Variants in FER1L6 observed in about 807,000 individuals in gnomAD.
The protein encoded by FER1L6 is fer-1-like protein 6.
Under a neutral mutation model 219.2 loss-of-function variants are expected in FER1L6, and 177 were observed. The observed-to-expected ratio is 0.81, with a 90% confidence interval of 0.71 to 0.91. The LOEUF (loss-of-function observed/expected upper bound fraction) is 0.91. Ranked by LOEUF, FER1L6 falls within the 40% of genes least tolerant of loss-of-function variation. The pLI is 0.00. For missense variants in FER1L6, 2,153 were observed against 2,259.9 expected (o/e 0.95, Z 0.96); for synonymous variants, 768 against 824.3 (o/e 0.93, Z 1.17).
chr8:124,014,871 G>T (rs1818110384), intron 15 of FER1L6, among the ~76,000 whole-genome samples: 1 of 152,168 alleles, frequency 6.6e-6, no homozygotes, highest in East Asian at 1.9e-4. Context: ...TCCAGGTGTG[G>T]CTCAGCTGAG....
intron 11 of FER1L6, among the ~76,000 whole-genome samples, chr8:123,981,922 T>A (rs1408697793): frequency 6.6e-6 from 1 of 152,172 alleles, no homozygotes; most frequent in Non-Finnish European, 1.5e-5. Flanking sequence ...CATTTGTTGT[T>A]GTTGTTGTCG....
chr8:123,944,285 T>TTA (rs1338721253), intron 1 of FER1L6, among the ~76,000 whole-genome samples: 1 of 148,536 alleles, frequency 6.7e-6, no homozygotes, highest in African/African-American at 2.4e-5. Context: ...ATTCATCTTA[T>TTA]TATATATATT....
At chr8:123,973,068 A>C (rs1815894015) in intron 6 of FER1L6, among the ~76,000 whole-genome samples, 1 of 152,174 alleles carries the variant, frequency 6.6e-6, no homozygotes, top group Admixed American at 6.5e-5. Context: ...TTTAGCGGAG[A>C]AAAGGAACAC....
chr8:123,936,122 G>A (rs551716898), intron 1 of FER1L6, among the ~76,000 whole-genome samples: 2 of 152,150 alleles, frequency 1.3e-5, no homozygotes, highest in African/African-American at 4.8e-5. Context: ...ATAACCTCTC[G>A]GTCAGATGCA....
rs531483204 is a variant in FER1L6 at position 123,908,468 on chromosome 8, T to A, written c.-7-47524T>A. 3.3e-5 allele frequency among the ~76,000 whole-genome samples: 5 copies of A among 152,262 alleles called. No individual in the cohort carries two copies. The South Asian group carries it at 8.3e-4, about 25-fold the overall frequency. On this transcript the variant is annotated intron_variant, in intron 1 of 40. Coordinates refer to ENST00000522917, the MANE Select transcript of FER1L6 (RefSeq NM_001039112.2). ...GAACTTTAGAAAACAGTTTGTTTCC[T>A]CAGTAGATAAGACTTTTAGTAAGAA... is the stretch of plus-strand genomic sequence containing the variant.
intron 1 of FER1L6, among the ~76,000 whole-genome samples, chr8:123,877,827 A>G (rs188689338): frequency 1.5e-3 from 224 of 151,694 alleles, no homozygotes; most frequent in African/African-American, 5.2e-3. Flanking sequence ...CCTTCCCTAT[A>G]AAAGCTTTTA....
intron 1 of FER1L6, among the ~76,000 whole-genome samples, chr8:123,930,433 A>G (rs528112121): frequency 1.3e-5 from 2 of 152,296 alleles, no homozygotes; most frequent in African/African-American, 4.8e-5. Flanking sequence ...TAACAGTGCC[A>G]TAACATATAC....
At chr8:123,974,313 T>C (rs115242397) in intron 7 of FER1L6, among the ~76,000 whole-genome samples, 1,682 of 152,182 alleles carry the variant, frequency 0.011, 31 homozygotes, top group African/African-American at 0.039. Context: ...GGCTATTCAG[T>C]GCCTTTGGTA....
Position 123,977,548 on chromosome 8 carries a change from A to G in FER1L6, c.1002A>G (p.Val334=), listed in dbSNP as rs895254106. The G allele has an allele frequency of 6.2e-7, 1 of 1,614,130 alleles. No homozygotes were observed. Among genetic ancestry groups the G allele is most frequent in the African/African-American group, 1.3e-5 (1 of 75,058 alleles). Residue 334 remains valine, a synonymous_variant, in exon 10 of 41, where the codon GTA becomes GTG. Transcript: ENST00000522917. The part of the protein sequence containing the change: ...QVWDEGSMND[V]ALATHFIDLK... The stretch of plus-strand genomic sequence containing the variant: ...GGGATGAAGGCAGCATGAATGACGT[A>G]GCCCTGGCAACCCATTTCATTGACC...
rs577057927 is a variant in FER1L6 at position 123,932,561 on chromosome 8, A to G, written c.-7-23431A>G. Among the ~76,000 whole-genome samples, 8 of 152,348 alleles carry G rather than the reference A, an allele frequency of 5.3e-5. No individual in the cohort carries two copies. The South Asian group carries it at 1.7e-3, about 32-fold the overall frequency. The stretch of plus-strand genomic sequence containing the variant: ...TAACAACGGTGAAGGAGGGATTTGG[A>G]TCTGGTAGTTTCCTGAAGGTGGCAT... On this transcript the variant is annotated intron_variant, in intron 1 of 40. Transcript: ENST00000522917.
chr8:124,014,920 C>T (rs897250118), intron 15 of FER1L6, among the ~76,000 whole-genome samples: 1 of 152,102 alleles, frequency 6.6e-6, no homozygotes, highest in Non-Finnish European at 1.5e-5. Context: ...GCAGTCATAT[C>T]AAGGTTCCAA....
intron 1 of FER1L6, among the ~76,000 whole-genome samples, chr8:123,943,582 G>A (rs553490993): frequency 2.6e-5 from 4 of 152,178 alleles, no homozygotes; most frequent in South Asian, 2.1e-4. Context: ...CCGAGACAGT[G>A]GTGGCTGCTG....
At chr8:123,968,953 G>A (rs1004139123) in intron 5 of FER1L6, among the ~76,000 whole-genome samples, 1 of 152,124 alleles carries the variant, frequency 6.6e-6, no homozygotes, top group Non-Finnish European at 1.5e-5. Context: ...TCCCAGGCCT[G>A]CCTTCCTGGT....
chr8:124,095,127 T>C, intron 35 of FER1L6, 89 bp downstream of exon 35: 2 of 1,520,062 alleles, frequency 1.3e-6, no homozygotes, highest in South Asian at 2.5e-5. Flanking sequence ...TGACCTTCCC[T>C]CAGGTACATT....
intron 1 of FER1L6, among the ~76,000 whole-genome samples, chr8:123,878,095 G>C (rs1469914451): frequency 1.3e-5 from 2 of 152,150 alleles, no homozygotes; most frequent in Non-Finnish European, 2.9e-5. Context: ...CTCCCAGAGA[G>C]GGCAAGTCTT....
chr8:124,062,763 A>T (rs1226435831), intron 25 of FER1L6, among the ~76,000 whole-genome samples: 1 of 152,132 alleles, frequency 6.6e-6, no homozygotes, highest in East Asian at 1.9e-4. Context: ...CTATGTGGGA[A>T]TTTCTCTGGA....
At chr8:124,010,058 C>CAAATTAATTACTTAATTAAATTAATTA (rs1817848728) in intron 13 of FER1L6, among the ~76,000 whole-genome samples, 1 of 144,742 alleles carries the variant, frequency 6.9e-6, no homozygotes, top group Non-Finnish European at 1.5e-5. Context: ...ACCCAGGCAG[C>CAAATTAATTACTTAATTAAATTAATTA]AGCAATGTTG....
At chr8:124,001,519 C>G (rs898842183) in intron 12 of FER1L6, among the ~76,000 whole-genome samples, 1 of 152,216 alleles carries the variant, frequency 6.6e-6, no homozygotes, top group East Asian at 1.9e-4. Context: ...ACCACCTCAG[C>G]TTATATAGCT....
chr8:123,858,105 T>G (rs1174968945), intron 1 of FER1L6, among the ~76,000 whole-genome samples: 1 of 152,146 alleles, frequency 6.6e-6, no homozygotes, highest in African/African-American at 2.4e-5. Flanking sequence ...CTCCCCACTC[T>G]TCTCTGGCGA....
Sources: allele counts gnomAD v4.1 joint callset (sites outside exome capture counted in the v4.1 genomes callset), GRCh38; gene constraint gnomAD v4.1.1; transcripts MANE v1.5; gene names NCBI Gene and HGNC (gene_info 2026-07-23, HGNC 2026-07-21).